Variants in SGK3 observed in about 807,000 individuals in gnomAD.
The protein encoded by SGK3 is serine/threonine-protein kinase Sgk3.
Under a neutral mutation model 68.5 loss-of-function variants are expected in SGK3, and 47 were observed. The observed-to-expected ratio is 0.69, with a 90% CI of 0.54 to 0.87. The LOEUF (loss-of-function observed/expected upper bound fraction) is 0.87, where lower values mean the gene tolerates loss of function less well. Among genes scored for constraint, SGK3 ranks in the 40% least tolerant of loss-of-function variants. The pLI is 0.00. For synonymous variants in SGK3, 181 were observed against 189.1 expected (o/e 0.96, Z 0.35); for missense variants, 479 against 575.5 (o/e 0.83, Z 1.72).
chr8:66,735,554 A>G (rs1356611207), intron 1 of SGK3, among the ~76,000 whole-genome samples: 3 of 152,178 alleles, frequency 2.0e-5, no homozygotes, highest in African/African-American at 4.8e-5. Context: ...GTACTACCCT[A>G]TGTGGCATTT....
At chr8:66,851,007 C>T in intron 16 of SGK3, 87 bp downstream of exon 16, 1 of 1,375,514 alleles carries the variant, frequency 7.3e-7, no homozygotes, top group Non-Finnish European at 9.9e-7. Flanking sequence ...TCAGAATCAC[C>T]TGAATTAAAT....
intron 3 of SGK3, among the ~76,000 whole-genome samples, chr8:66,799,343 G>A (rs547569918): frequency 1.3e-5 from 2 of 152,280 alleles, no homozygotes; most frequent in East Asian, 3.9e-4. Context: ...GTACCAGTGA[G>A]CATGATTGCC....
At position 66,822,404 on chromosome 8, in the gene SGK3, G is replaced by A. The variant is rs1808878603; in HGVS notation, c.362G>A (p.Ser121Asn). Reference protein sequence around the residue: ...PDVRAFLQMDSPKHQSDPSED... With the variant: ...PDVRAFLQMDNPKHQSDPSED... ...GTCAGAGCATTCCTTCAAATGGACA[G>A]TCCAAAACACCAGTCAGATCCATCT... The change falls in exon 6 of 17, where the codon AGT becomes AAT. Residue 121 changes from serine to asparagine, a missense_variant. Coordinates refer to ENST00000521198, the MANE Select transcript of SGK3 (RefSeq NM_001033578.3). 1.9e-6 allele frequency: 3 copies of A among 1,611,582 alleles called. No individual in the cohort carries two copies. The highest frequency in any genetic ancestry group is 1.7e-4 in the Middle Eastern group (1 of 6,056).
chr8:66,783,107 T>G (rs1320694637), intron 1 of SGK3, among the ~76,000 whole-genome samples: 4 of 152,246 alleles, frequency 2.6e-5, no homozygotes, highest in Non-Finnish European at 5.9e-5. Context: ...GAATGAGAGT[T>G]CCTGCTATTC....
intron 1 of SGK3, among the ~76,000 whole-genome samples, chr8:66,729,327 G>A (rs1805072999): frequency 6.6e-6 from 1 of 151,806 alleles, no homozygotes; most frequent in Non-Finnish European, 1.5e-5. Flanking sequence ...GTGGTGGCGG[G>A]CGCCTGTAGT....
intron 1 of SGK3, among the ~76,000 whole-genome samples, chr8:66,770,228 A>G (rs1454651806): frequency 2.0e-5 from 3 of 152,210 alleles, no homozygotes; most frequent in Non-Finnish European, 4.4e-5. Flanking sequence ...TGCTGGGATT[A>G]CAGGCGTGAG....
intron 14 of SGK3, among the ~76,000 whole-genome samples, chr8:66,846,181 A>G (rs1258047716): frequency 6.6e-6 from 1 of 152,172 alleles, no homozygotes; most frequent in Non-Finnish European, 1.5e-5. Flanking sequence ...CTCTGGACAC[A>G]TTAATTCAAA....
At chr8:66,764,501 ACTCCAGTTGCCCAGGCT>A (rs945779818) in intron 1 of SGK3, among the ~76,000 whole-genome samples, 8 of 151,768 alleles carry the variant, frequency 5.3e-5, no homozygotes, top group Admixed American at 5.3e-4. Flanking sequence ...AAAGGGCCTC[ACTCCAGTTGCCCAGGCT>A]GGAGTGTATT....
chr8:66,759,079 TC>T (rs1436288361), intron 1 of SGK3, among the ~76,000 whole-genome samples: 9 of 128,510 alleles, frequency 7.0e-5, no homozygotes, highest in African/African-American at 3.7e-4. Flanking sequence ...TTTCTTTTCT[TC>T]TTTTTTTTTT....
At chr8:66,840,958 A>AG (rs1013554396) in intron 12 of SGK3, 66 bp from the exon 13 acceptor site, 20 of 1,237,734 alleles carry the variant, frequency 1.6e-5, no homozygotes, top group Non-Finnish European at 2.2e-5. Context: ...AAAAAAAAAA[A>AG]TTAACTGAAA....
At chr8:66,751,307 A>G (rs1805811315) in intron 1 of SGK3, among the ~76,000 whole-genome samples, 1 of 152,208 alleles carries the variant, frequency 6.6e-6, no homozygotes, top group Non-Finnish European at 1.5e-5. Flanking sequence ...AATGCTCATT[A>G]AATTTAAGTA....
chr8:66,775,867 A>G (rs1285235267), intron 1 of SGK3, among the ~76,000 whole-genome samples: 1 of 146,168 alleles, frequency 6.8e-6, no homozygotes, highest in African/African-American at 2.8e-5. Context: ...ATGGTTTTGA[A>G]TCTACTTATT....
intron 16 of SGK3, among the ~76,000 whole-genome samples, chr8:66,851,398 C>T (rs531618636): frequency 1.3e-5 from 2 of 152,012 alleles, no homozygotes; most frequent in African/African-American, 2.4e-5. Flanking sequence ...CATGCCTTTA[C>T]ACTCCCAAAC....
intron 8 of SGK3, among the ~76,000 whole-genome samples, chr8:66,833,731 G>C (rs1001240419): frequency 2.0e-5 from 3 of 152,074 alleles, no homozygotes; most frequent in Non-Finnish European, 2.9e-5. Flanking sequence ...CACTTTTGTT[G>C]CCCAGGCTGG....
chr8:66,824,909 A>G (rs1563647282), intron 6 of SGK3, among the ~76,000 whole-genome samples: 1 of 152,242 alleles, frequency 6.6e-6, no homozygotes, highest in South Asian at 2.1e-4. Flanking sequence ...TATATTGGTA[A>G]GGTTATGGAT....
At chr8:66,810,138 A>G (rs1200955938) in intron 4 of SGK3, among the ~76,000 whole-genome samples, 3 of 152,192 alleles carry the variant, frequency 2.0e-5, no homozygotes, top group African/African-American at 7.2e-5. Context: ...GAATTTATAG[A>G]CATTATGAGA....
intron 5 of SGK3, among the ~76,000 whole-genome samples, chr8:66,815,558 A>G (rs1348540038): frequency 6.6e-6 from 1 of 152,086 alleles, no homozygotes; most frequent in African/African-American, 2.4e-5. Flanking sequence ...TTCTATCTCT[A>G]ATTGTTGCTG....
Position 66,840,281 on chromosome 8 carries a change from C to T in SGK3, c.891+34C>T. On this transcript the variant is annotated intron_variant, in intron 12 of 16. Coordinates refer to ENST00000521198, the MANE Select transcript of SGK3 (RefSeq NM_001033578.3). ...TCTCTTTTAAAAATCTACTAGTTCT[C>T]AATTTTTGTTGTTGCTTTTATGCTT... 6.5e-6 allele frequency: 10 copies of T among 1,536,936 alleles called. No homozygotes were observed. The South Asian group carries it at 1.3e-4, about 19-fold the overall frequency.
intron 4 of SGK3, among the ~76,000 whole-genome samples, chr8:66,811,161 G>A (rs1808367530): frequency 1.3e-5 from 2 of 152,098 alleles, no homozygotes; most frequent in African/African-American, 2.4e-5. Context: ...GACTACAGAT[G>A]TATGTCGCCA....
Sources: allele counts gnomAD v4.1 joint callset (sites outside exome capture counted in the v4.1 genomes callset), GRCh38; gene constraint gnomAD v4.1.1; transcripts MANE v1.5; gene names NCBI Gene and HGNC (gene_info 2026-07-23, HGNC 2026-07-21).